The following COL4A6 variants were observed in gnomAD, a reference collection of about 807,000 sequenced individuals.
The protein encoded by COL4A6 is collagen alpha-6(IV) chain.
Under a neutral mutation model 126.7 loss-of-function variants are expected in COL4A6, and 59 were observed. That is an observed-to-expected ratio of 0.47 (90% CI 0.38 to 0.58). The LOEUF is 0.58. Among genes scored for constraint, COL4A6 ranks in the 20% least tolerant of loss-of-function variants. The pLI is 0.00. For missense variants in COL4A6, 1,285 were observed against 1,337.3 expected, an observed-to-expected ratio of 0.96 and a Z score of 0.61; for synonymous variants, 547 against 496.6, an observed-to-expected ratio of 1.10 and a Z score of -1.35.
At chrX:108,200,190 C>T (rs1412660087) in intron 13 of COL4A6, among the ~76,000 whole-genome samples, 10 of 112,222 alleles carry the variant, frequency 8.9e-5, no homozygotes, top group African/African-American at 3.2e-4. Context: ...TTTCATTTTC[C>T]TAGTAGCCAC....
chrX:108,247,318 G>A lies in COL4A6; in HGVS notation c.145-25944C>T, dbSNP rs1284668753. On this transcript the variant is annotated intron_variant, in intron 3 of 44. Coordinates refer to ENST00000334504, the MANE Select transcript of COL4A6 (RefSeq NM_033641.4). ...CCAGAGATGATAATGAGGATTAACA[G>A]CATCAATTGATATAAAGCACTTAGA... 6.2e-5 allele frequency among the ~76,000 whole-genome samples: 7 copies of A among 112,028 alleles called. 1 individual carries two copies. The Admixed American group carries it at 6.6e-4, about 11-fold the overall frequency.
At chrX:108,283,164 A>T (rs2037897844) in intron 3 of COL4A6, among the ~76,000 whole-genome samples, 1 of 110,842 alleles carries the variant, frequency 9.0e-6, no homozygotes, top group African/African-American at 3.3e-5. Flanking sequence ...AAAATAAAAT[A>T]AAAAAATAAA....
intron 2 of COL4A6, among the ~76,000 whole-genome samples, chrX:108,343,028 T>A (rs1340538807): frequency 9.3e-6 from 1 of 107,315 alleles, no homozygotes; most frequent in East Asian, 2.9e-4. Context: ...GTACTTTTTT[T>A]AATGTGTGTA....
intron 2 of COL4A6, among the ~76,000 whole-genome samples, chrX:108,413,867 T>C (rs1303363731): frequency 8.9e-6 from 1 of 112,002 alleles, no homozygotes; most frequent in Non-Finnish European, 1.9e-5. Flanking sequence ...CTGGTGGTTC[T>C]CATCGGTGCA....
In COL4A6 at chrX:108,157,247, C is replaced by G. The variant is rs1326262868; in HGVS notation, c.4826G>C (p.Gly1609Ala). The change falls in exon 45 of 45, where the codon GGT becomes GCT. Residue 1609 changes from glycine (G) to alanine (A), a missense_variant. By Grantham distance (60) the Gly-to-Ala change is moderately conservative. Coordinates refer to ENST00000334504, the MANE Select transcript of COL4A6 (RefSeq NM_033641.4). ...CAGGGACTGGCCTCCACCCTCGGCA[C>G]CAGCGGCAGTGTGCTGAAACAGACA... is the stretch of plus-strand genomic sequence containing the variant. The part of the protein sequence containing the change: ...GYSFLMHTAA[G>A]AEGGGQSLVS... 1.1e-5 allele frequency: 13 copies of G among 1,210,369 alleles called. No individual in the cohort carries two copies. The highest frequency in any genetic ancestry group is 3.0e-5 in the East Asian group (1 of 33,812).
chrX:108,226,540 C>A (rs989517320), intron 3 of COL4A6, among the ~76,000 whole-genome samples: 4 of 110,878 alleles, frequency 3.6e-5, no homozygotes, highest in African/African-American at 1.3e-4. Flanking sequence ...CAAACCTGAA[C>A]CTCCAGCCCA....
At position 108,157,213 on chromosome X, in the gene COL4A6, A is replaced by G; in HGVS notation, c.4860T>C (p.Pro1620=). 8.3e-7 allele frequency: 1 copy of G among 1,212,039 alleles called. No individual in the cohort carries two copies. Among genetic ancestry groups the G allele is most frequent in the East Asian group, 3.0e-5 (1 of 33,854 alleles). ...CCCGAAAGTCCTCTAGGCAGGAGCC[A>G]GGTGAGACCAGGGACTGGCCTCCAC... ...AEGGGQSLVS[P]GSCLEDFRAT... Residue 1620 remains proline, a synonymous_variant, in exon 45 of 45, where the codon CCT becomes CCC. Coordinates refer to ENST00000334504, the MANE Select transcript of COL4A6 (RefSeq NM_033641.4).
chrX:108,277,715 C>A (rs764016286), intron 3 of COL4A6, among the ~76,000 whole-genome samples: 2 of 112,126 alleles, frequency 1.8e-5, no homozygotes, highest in Admixed American at 9.4e-5. Flanking sequence ...CCCTGACCCC[C>A]GAGCAGCCTA....
intron 3 of COL4A6, among the ~76,000 whole-genome samples, chrX:108,302,387 T>C (rs767403934): frequency 9.0e-6 from 1 of 111,716 alleles, no homozygotes; most frequent in South Asian, 3.8e-4. Context: ...CATATAGTCT[T>C]CATTATTCTT....
intron 2 of COL4A6, among the ~76,000 whole-genome samples, chrX:108,432,105 T>A (rs2064183294): frequency 8.9e-6 from 1 of 112,501 alleles, no homozygotes; most frequent in Admixed American, 9.4e-5. Flanking sequence ...AAGACTTTTG[T>A]TGTTCATCAA....
intron 3 of COL4A6, among the ~76,000 whole-genome samples, chrX:108,246,869 G>T (rs770187029): frequency 2.7e-5 from 3 of 111,498 alleles, no homozygotes; most frequent in African/African-American, 9.8e-5. Context: ...TACAATGAGG[G>T]ATTCTTTTCA....
intron 15 of COL4A6, 96 bp from the exon 16 acceptor site, chrX:108,194,683 T>G: frequency 6.0e-6 from 5 of 833,143 alleles, no homozygotes; most frequent in Non-Finnish European, 7.1e-6. Flanking sequence ...ACAGGGATCT[T>G]GGATGACATT....
At chrX:108,335,116 A>G (rs1204891233) in intron 2 of COL4A6, among the ~76,000 whole-genome samples, 1 of 112,135 alleles carries the variant, frequency 8.9e-6, no homozygotes, top group Non-Finnish European at 1.9e-5. Flanking sequence ...TGACCATTTG[A>G]TATTCTTTCA....
intron 31 of COL4A6, among the ~76,000 whole-genome samples, chrX:108,172,970 A>G (rs1455854683): frequency 8.9e-6 from 1 of 112,091 alleles, no homozygotes; most frequent in Non-Finnish European, 1.9e-5. Context: ...TTCCGCAAGG[A>G]ACACAAGTTC....
intron 42 of COL4A6, among the ~76,000 whole-genome samples, chrX:108,161,157 A>T (rs184803816): frequency 8.9e-6 from 1 of 111,991 alleles, no homozygotes; most frequent in Non-Finnish European, 1.9e-5. Flanking sequence ...CGAGCCTCTG[A>T]ACTGTTCTCT....
At chrX:108,213,529 T>C (rs2035771204) in intron 6 of COL4A6, among the ~76,000 whole-genome samples, 1 of 112,147 alleles carries the variant, frequency 8.9e-6, no homozygotes, top group African/African-American at 3.2e-5. Context: ...TACTATAGAG[T>C]AGGGTTTCTC....
intron 2 of COL4A6, among the ~76,000 whole-genome samples, chrX:108,341,545 C>T (rs1243018102): frequency 9.0e-6 from 1 of 110,873 alleles, no homozygotes; most frequent in African/African-American, 3.3e-5. Flanking sequence ...AAAGATGTGC[C>T]TTTTGCCTTC....
intron 2 of COL4A6, among the ~76,000 whole-genome samples, chrX:108,429,336 T>A (rs1360898746): frequency 8.9e-6 from 1 of 112,115 alleles, no homozygotes; most frequent in Non-Finnish European, 1.9e-5. Context: ...TAAAACTGTA[T>A]ACATTTGTAA....
intron 37 of COL4A6, among the ~76,000 whole-genome samples, chrX:108,168,147 G>A (rs1486899293): frequency 8.9e-6 from 1 of 112,221 alleles, no homozygotes; most frequent in Non-Finnish European, 1.9e-5. Flanking sequence ...ATGCATAATT[G>A]TGATTTTATT....
Sources: gnomAD v4.1 joint callset for allele counts (sites outside exome capture counted in the v4.1 genomes callset) on GRCh38, gnomAD v4.1.1 for gene constraint, MANE v1.5 for transcripts, NCBI Gene and HGNC (gene_info 2026-07-23, HGNC 2026-07-21) for gene names.